ATF6: variants seen among roughly 807,000 people sequenced by gnomAD.
The protein encoded by ATF6 is activating transcription factor 6.
In ATF6, 53 loss-of-function variants were observed where a neutral mutation model predicts 83.6. The observed-to-expected ratio is 0.63, with a 90% CI of 0.51 to 0.80. The LOEUF (loss-of-function observed/expected upper bound fraction) is 0.80, where lower values mean the gene tolerates loss of function less well. Ranked by LOEUF, ATF6 falls within the 30% of genes least tolerant of loss-of-function variation. ATF6 has a pLI of 0.00. For synonymous variants in ATF6, 288 were observed against 285.8 expected, an observed-to-expected ratio of 1.01 and a Z score of -0.08; for missense variants, 744 against 797.9, an observed-to-expected ratio of 0.93 and a Z score of 0.81.
intron 10 of ATF6, among the ~76,000 whole-genome samples, chr1:161,849,256 T>A (rs1296292776): frequency 6.6e-6 from 1 of 152,178 alleles, no homozygotes; most frequent in Non-Finnish European, 1.5e-5. Flanking sequence ...TTTGCATTCA[T>A]TACCTGTGCA....
At chr1:161,771,034 G>A (rs1684376855) in intron 1 of ATF6, among the ~76,000 whole-genome samples, 2 of 152,184 alleles carry the variant, frequency 1.3e-5, no homozygotes, top group South Asian at 4.1e-4. Context: ...ATTCTAATAG[G>A]TGTGTAGTGG....
intron 7 of ATF6, among the ~76,000 whole-genome samples, chr1:161,808,797 C>T (rs1177819776): frequency 2.0e-5 from 3 of 151,850 alleles, no homozygotes; most frequent in Non-Finnish European, 2.9e-5. Context: ...TCTTGAGCTC[C>T]TGGCCTCAAA....
intron 9 of ATF6, among the ~76,000 whole-genome samples, chr1:161,839,528 A>C (rs977469958): frequency 8.6e-5 from 13 of 151,998 alleles, no homozygotes; most frequent in Admixed American, 5.2e-4. Flanking sequence ...CACCCAGCTA[A>C]TTATTGTATT....
intron 14 of ATF6, among the ~76,000 whole-genome samples, chr1:161,911,291 T>C (rs1687987464): frequency 6.6e-6 from 1 of 152,248 alleles, no homozygotes; most frequent in Non-Finnish European, 1.5e-5. Context: ...CTTCTTTTTT[T>C]CTTTTTTCTG....
Position 161,855,315 on chromosome 1 carries a change from A to T in ATF6, c.1533+1992A>T, listed in dbSNP as rs868260611. Among the ~76,000 whole-genome samples the T allele has an allele frequency of 1.6e-4, 24 of 152,232 alleles. 1 individual carries two copies. The Middle Eastern group carries it at 0.01, about 65-fold the overall frequency. On this transcript the variant is annotated intron_variant, in intron 12 of 15. Coordinates refer to ENST00000367942, the MANE Select transcript of ATF6 (RefSeq NM_007348.4). Reference sequence around the variant, plus strand: ...TACCTGGATGCCAAATATATTTTGAAAGTAAAGCTGATGGAAATTGTTGAT... The same window carrying T: ...TACCTGGATGCCAAATATATTTTGATAGTAAAGCTGATGGAAATTGTTGAT...
intron 9 of ATF6, among the ~76,000 whole-genome samples, chr1:161,836,264 T>TTTG (rs1057027409): frequency 2.0e-5 from 3 of 152,212 alleles, no homozygotes; most frequent in African/African-American, 7.2e-5. Context: ...GTTCCAATTT[T>TTTG]TTGTTGTTGT....
chr1:161,928,807 C>A, intron 15 of ATF6, among the ~76,000 whole-genome samples: 1 of 152,100 alleles, frequency 6.6e-6, no homozygotes, highest in African/African-American at 2.4e-5. Context: ...TGTGTTTTCC[C>A]AGGAAAACTG....
chr1:161,786,730 G>A (rs948399396), intron 4 of ATF6, among the ~76,000 whole-genome samples: 15 of 152,108 alleles, frequency 9.9e-5, no homozygotes, highest in African/African-American at 3.6e-4. Context: ...CTTCCTACAA[G>A]CACAGATATT....
intron 2 of ATF6, among the ~76,000 whole-genome samples, chr1:161,778,890 T>C (rs1684579324): frequency 6.6e-6 from 1 of 152,196 alleles, no homozygotes; most frequent in Non-Finnish European, 1.5e-5. Context: ...CTATAGAACT[T>C]TGATTTTGTC....
intron 15 of ATF6, among the ~76,000 whole-genome samples, chr1:161,913,512 T>C (rs1688032600): frequency 6.6e-6 from 1 of 152,158 alleles, no homozygotes; most frequent in African/African-American, 2.4e-5. Flanking sequence ...AGTAACTTCA[T>C]AGACATAAAC....
At chr1:161,915,864 C>G (rs1688086907) in intron 15 of ATF6, among the ~76,000 whole-genome samples, 1 of 152,150 alleles carries the variant, frequency 6.6e-6, no homozygotes, top group Non-Finnish European at 1.5e-5. Flanking sequence ...CTCAAGTGAT[C>G]CTCCTGCCTC....
At position 161,843,006 on chromosome 1, in the gene ATF6, C is replaced by T. The variant is rs149952803; in HGVS notation, c.1188-3443C>T. On this transcript the variant is annotated intron_variant, in intron 9 of 15. Coordinates refer to ENST00000367942, the MANE Select transcript of ATF6 (RefSeq NM_007348.4). ...TTATTTTACAATGATTTGTATTTTC[C>T]AATGCGTTTATTGCAGTTCAGTGTG... Among the ~76,000 whole-genome samples, 10 of 152,268 alleles carry T rather than the reference C, an allele frequency of 6.6e-5. No homozygotes were observed. In the East Asian group the frequency reaches 1.9e-3, roughly 29 times the overall value.
intron 15 of ATF6, among the ~76,000 whole-genome samples, chr1:161,947,770 T>C (rs568646745): frequency 6.7e-6 from 1 of 150,320 alleles, no homozygotes; most frequent in Non-Finnish European, 1.5e-5. Flanking sequence ...TTATTTCATA[T>C]TATAGAAATA....
At chr1:161,902,122 T>C (rs1218462865) in intron 14 of ATF6, among the ~76,000 whole-genome samples, 1 of 152,204 alleles carries the variant, frequency 6.6e-6, no homozygotes, top group African/African-American at 2.4e-5. Context: ...CTTTGAAATA[T>C]CAGGCTTACT....
chr1:161,941,763 G>T (rs1333587544), intron 15 of ATF6, among the ~76,000 whole-genome samples: 1 of 152,126 alleles, frequency 6.6e-6, no homozygotes, highest in East Asian at 1.9e-4. Flanking sequence ...AATGAAAAAG[G>T]GATGAGAAAC....
At chr1:161,950,262 T>C (rs1186405795) in intron 15 of ATF6, among the ~76,000 whole-genome samples, 1 of 152,218 alleles carries the variant, frequency 6.6e-6, no homozygotes, top group African/African-American at 2.4e-5. Flanking sequence ...TGATTCCTTG[T>C]AGAAGCTAGC....
At chr1:161,938,237 T>C (rs1408188414) in intron 15 of ATF6, among the ~76,000 whole-genome samples, 1 of 152,240 alleles carries the variant, frequency 6.6e-6, no homozygotes, top group East Asian at 1.9e-4. Context: ...TAAGGTATTA[T>C]ATGAGACTGT....
At position 161,809,278 on chromosome 1, in the gene ATF6, AGT is replaced by A. The variant is rs750772187; in HGVS notation, c.909+7008_909+7009del. ...TCTCATTGTTCAATTCCCACCTATG[AGT>A]GAGAACATGTGTGTTCGGTTTTTTG... On this transcript the variant is annotated intron_variant, in intron 7 of 15. Coordinates refer to ENST00000367942, the MANE Select transcript of ATF6 (RefSeq NM_007348.4). Among the ~76,000 whole-genome samples the A allele has an allele frequency of 1.2e-4, 18 of 151,436 alleles. 1 individual carries two copies. The highest frequency in any genetic ancestry group is 8.3e-4 in the South Asian group (4 of 4,804).
chr1:161,834,316 C>T (rs554197208), intron 9 of ATF6, among the ~76,000 whole-genome samples: 2 of 151,956 alleles, frequency 1.3e-5, no homozygotes, highest in Non-Finnish European at 2.9e-5. Flanking sequence ...GCTATAAAGA[C>T]ACATGCACAC....
Sources: gnomAD v4.1 joint callset for allele counts (sites outside exome capture counted in the v4.1 genomes callset) on GRCh38, gnomAD v4.1.1 for gene constraint, MANE v1.5 for transcripts, NCBI Gene and HGNC (gene_info 2026-07-23, HGNC 2026-07-21) for gene names.